EBF4: variants seen among roughly 807,000 people sequenced by gnomAD.
The protein encoded by EBF4 is transcription factor COE4.
In EBF4, 34 loss-of-function variants were observed where a neutral mutation model predicts 67.1. The observed-to-expected ratio is 0.51, with a 90% CI of 0.39 to 0.67. EBF4 has a LOEUF of 0.67. Among genes scored for constraint, EBF4 ranks in the 30% least tolerant of loss-of-function variants. EBF4 has a pLI of 0.00. For missense variants in EBF4, 837 were observed against 873.3 expected, an observed-to-expected ratio of 0.96 and a Z score of 0.52; for synonymous variants, 387 against 377.7, an observed-to-expected ratio of 1.02 and a Z score of -0.29.
intron 8 of EBF4, 23 bp from the exon 9 acceptor site, chr20:2,749,597 C>T (rs894039856): frequency 4.5e-6 from 7 of 1,551,054 alleles, no homozygotes; most frequent in Non-Finnish European, 6.1e-6. Context: ...GTCCCCTGAC[C>T]TGGGTCCTCT....
Position 2,693,894 on chromosome 20 carries a change from G to T in EBF4, c.137+112G>T. ...GGCGGAAGGAGCCCTAACTCTGGAC[G>T]GTCCCGGCGAGCTCCCCGGCCCACC... is the stretch of plus-strand genomic sequence containing the variant. On this transcript the variant is annotated intron_variant, in intron 1 of 16. Coordinates refer to ENST00000609451, the Ensembl canonical transcript of EBF4. This position sits in a 1 kb window ranked among gnomAD's most constrained non-coding sequence, Gnocchi z 4.6. 8.2e-7 allele frequency: 1 copy of T among 1,219,964 alleles called. No individual in the cohort carries two copies. The allele number at this position is 1,219,964 out of a possible 1,614,324, so 75.6% of individuals were successfully genotyped here. A position where few individuals can be genotyped will look rare whatever the true frequency, so the allele number is the denominator to read the frequency against.
intron 6 of EBF4, among the ~76,000 whole-genome samples, chr20:2,721,599 C>G (rs775467220): frequency 2.0e-5 from 3 of 152,022 alleles, no homozygotes; most frequent in African/African-American, 7.2e-5. Context: ...GGTTTACAGG[C>G]AAGTGCCACC....
Position 2,699,331 on chromosome 20 carries a change from A to G in EBF4, c.137+5549A>G, listed in dbSNP as rs1270899093. ...CCAACAGTGCTCAGGAAGTCCATGC[A>G]CACCCATGCTCACTACAAAGCATGT... On this transcript the variant is annotated intron_variant, in intron 1 of 16. Transcript: ENST00000609451. Among the ~76,000 whole-genome samples the G allele has an allele frequency of 3.3e-5, 5 of 152,348 alleles. No homozygotes were observed. The South Asian group carries it at 8.3e-4, about 25-fold the overall frequency.
rs112414543 is a variant in EBF4, at chr20:2,737,032, A to T, written c.558-11517A>T. 2.1e-4 allele frequency among the ~76,000 whole-genome samples: 32 copies of T among 151,882 alleles called. No homozygotes were observed. In the East Asian group the frequency reaches 3.5e-3, roughly 17 times the overall value. On this transcript the variant is annotated intron_variant, in intron 6 of 16. Transcript: ENST00000609451. ...TGGGAGGCCAAGGTGGGCAGATCAC[A>T]AGGTCAGGAGATGGAGACCATCCTG...
At chr20:2,717,289 C>A (rs925724349) in intron 6 of EBF4, among the ~76,000 whole-genome samples, 13 of 151,562 alleles carry the variant, frequency 8.6e-5, no homozygotes, top group African/African-American at 3.2e-4. Context: ...CAAGAGTAAA[C>A]AAAGCAGACA....
intron 7 of EBF4, 39 bp downstream of exon 7, chr20:2,748,669 C>T: frequency 1.3e-6 from 2 of 1,536,932 alleles, no homozygotes; most frequent in Non-Finnish European, 1.8e-6. Context: ...CAACCCCACC[C>T]TTTCCTGATG....
chr20:2,701,571 T>C (rs2087375913), intron 1 of EBF4, among the ~76,000 whole-genome samples: 1 of 152,216 alleles, frequency 6.6e-6, no homozygotes, highest in South Asian at 2.1e-4. Context: ...GCATCTGTGA[T>C]TTATGCTGCA....
rs527761716 is a variant in EBF4 at position 2,755,336 on chromosome 20, C to A, written c.1541-291C>A. On this transcript the variant is annotated intron_variant, in intron 14 of 16. Transcript: ENST00000609451. This position sits in a 1 kb window ranked among gnomAD's most constrained non-coding sequence, Gnocchi z 4.7. Reference sequence around the variant, plus strand: ...GAAGTAGTCCAGCTGTTGCTCATCTCATTTTTGGGGGGTACCTCCCACTGT... The same window carrying A: ...GAAGTAGTCCAGCTGTTGCTCATCTAATTTTTGGGGGGTACCTCCCACTGT... 1.4e-4 allele frequency: 60 copies of A among 438,550 alleles called. No individual in the cohort carries two copies. The highest frequency in any genetic ancestry group is 1.1e-3 in the African/African-American group (55 of 49,600). The allele number at this position is 438,550 out of a possible 1,614,324, so 27.2% of individuals were successfully genotyped here.
chr20:2,720,793 G>C (rs984298756), intron 6 of EBF4, among the ~76,000 whole-genome samples: 1 of 152,148 alleles, frequency 6.6e-6, no homozygotes, highest in East Asian at 1.9e-4. Context: ...TCTTAGGCCT[G>C]AAGGGCATCC....
exon 3 of EBF4, chr20:2,706,008 A>G: frequency 6.4e-7 from 1 of 1,551,536 alleles, no homozygotes; most frequent in Non-Finnish European, 8.7e-7. Context: ...AATGGGATCC[A>G]TTACCGCCTC....
chr20:2,725,720 G>A (rs1161592085), intron 6 of EBF4, among the ~76,000 whole-genome samples: 1 of 152,164 alleles, frequency 6.6e-6, no homozygotes, highest in Non-Finnish European at 1.5e-5. Context: ...CTGGAACAAG[G>A]GGTGCTACCA....
intron 6 of EBF4, among the ~76,000 whole-genome samples, chr20:2,724,179 G>A (rs1319808255): frequency 6.6e-6 from 1 of 152,160 alleles, no homozygotes; most frequent in Non-Finnish European, 1.5e-5. Context: ...ACCATGCTGG[G>A]AACATATAAC....
Position 2,728,072 on chromosome 20 carries a change from T to A in EBF4, c.557+18430T>A, listed in dbSNP as rs2087768033. Among the ~76,000 whole-genome samples the A allele has an allele frequency of 2.0e-5, 3 of 152,234 alleles. No individual in the cohort carries two copies. The South Asian group carries it at 6.2e-4, about 31-fold the overall frequency. On this transcript the variant is annotated intron_variant, in intron 6 of 16. Transcript: ENST00000609451. ...AAATCATGTTTAACTCAGATTAACC[T>A]GGAGGAAATGGAATATTTATGATAC...
chr20:2,726,831 G>C (rs1373652827), intron 6 of EBF4, among the ~76,000 whole-genome samples: 1 of 152,046 alleles, frequency 6.6e-6, no homozygotes, highest in Non-Finnish European at 1.5e-5. Flanking sequence ...ATTCATGAGA[G>C]TATGGTTCGG....
chr20:2,752,209 T>C, exon 13 of EBF4: 1 of 1,409,288 alleles, frequency 7.1e-7, no homozygotes, highest in Non-Finnish European at 9.3e-7. Flanking sequence ...CATCAACGCC[T>C]TCAGCAGCCC....
rs770095363 is a variant in EBF4, at chr20:2,749,941, G to A, written c.986G>A (p.Cys329Tyr). The change falls in exon 10 of 17, where the codon TGC becomes TAC. Residue 329 changes from cysteine (C) to tyrosine (Y), a missense_variant. Transcript: ENST00000609451. ...CTCTCCTACAAGTCCAAGCAGTTTT[G>A]CAAGGGATGCCCCGGCCGCTTTGTC... The A allele has an allele frequency of 4.2e-5, 65 of 1,551,264 alleles. 3 individuals are homozygous for A. The South Asian group carries it at 7.6e-4, about 18-fold the overall frequency.
intron 1 of EBF4, among the ~76,000 whole-genome samples, chr20:2,695,758 C>T (rs556343219): frequency 3.9e-5 from 6 of 152,332 alleles, no homozygotes; most frequent in Admixed American, 1.3e-4. Context: ...ATGAAAATTC[C>T]TCCCCCTGGC....
At chr20:2,752,164 C>G in exon 13 of EBF4, 1 of 1,446,062 alleles carries the variant, frequency 6.9e-7, no homozygotes, top group South Asian at 1.4e-5. Context: ...GCTCGCACCC[C>G]TGGCCCCGAG....
At chr20:2,734,571 A>G (rs979280912) in intron 6 of EBF4, among the ~76,000 whole-genome samples, 8 of 152,254 alleles carry the variant, frequency 5.3e-5, no homozygotes, top group African/African-American at 1.9e-4. Flanking sequence ...TAATCATATA[A>G]TGTTGCACTC....
Sources: allele counts gnomAD v4.1 joint callset (sites outside exome capture counted in the v4.1 genomes callset), GRCh38; gene constraint gnomAD v4.1.1; non-coding constraint Gnocchi (gnomAD v3.1); transcripts MANE v1.5; gene names NCBI Gene and HGNC (gene_info 2026-07-23, HGNC 2026-07-21).